CYTH1: variants seen among roughly 807,000 people sequenced by gnomAD.
CYTH1 encodes the protein cytohesin-1.
A neutral mutation model predicts 61.8 loss-of-function variants in CYTH1; 18 were observed. The ratio of observed to expected loss-of-function variants is 0.29; its 90% CI spans 0.20 to 0.43. The LOEUF (loss-of-function observed/expected upper bound fraction) is 0.43, where lower values mean the gene tolerates loss of function less well. Ranked by LOEUF, CYTH1 falls within the 20% of genes least tolerant of loss-of-function variation. The probability of loss-of-function intolerance (pLI) is 1.00; values close to 1 mark genes in which losing one functional copy is unlikely to be tolerated. For synonymous variants in CYTH1, 174 were observed against 184.3 expected (o/e 0.94, Z 0.45); for missense variants, 336 against 510.5 (o/e 0.66, Z 3.29).
intron 1 of CYTH1, among the ~76,000 whole-genome samples, chr17:78,753,491 T>C (rs2093388406): frequency 1.5e-5 from 2 of 131,694 alleles, no homozygotes; most frequent in African/African-American, 5.6e-5. Context: ...TCAGACCTTA[T>C]CTCTACTTAA....
Position 78,717,234 on chromosome 17 carries a change from G to C in CYTH1, c.23-7502C>G, listed in dbSNP as rs12951261. ...TGAGCACAATGGAGACAAACCAGAGGGGGAGCCGCCCTGACACACCACCCG... is the reference window on the plus strand; with the variant it reads ...TGAGCACAATGGAGACAAACCAGAGCGGGAGCCGCCCTGACACACCACCCG... On this transcript the variant is annotated intron_variant, in intron 1 of 13. Coordinates refer to ENST00000446868, the MANE Select transcript of CYTH1 (RefSeq NM_004762.6). The surrounding 1 kb of genome is among the most constrained non-coding windows in gnomAD (Gnocchi z 4.4). Among the ~76,000 whole-genome samples, 5 of 152,066 alleles carry C rather than the reference G, an allele frequency of 3.3e-5. No individual in the cohort carries two copies. The highest frequency in any genetic ancestry group is 7.4e-5 in the Non-Finnish European group (5 of 68,008).
In CYTH1 at chr17:78,698,397, C is replaced by A. The variant is rs2092969451; in HGVS notation, c.700-17G>T. The A allele has an allele frequency of 1.3e-6, 2 of 1,552,862 alleles. No homozygotes were observed. Among genetic ancestry groups the A allele is most frequent in the African/African-American group, 2.7e-5 (2 of 73,348 alleles). On this transcript the variant is annotated splice_polypyrimidine_tract_variant and intron_variant, in intron 8 of 13. Coordinates refer to ENST00000446868, the MANE Select transcript of CYTH1 (RefSeq NM_004762.6). ...ATAGAGATTCTGGGATAAAAGATGA[C>A]AATTTATGTCTCTGATTCTAGAAAT... is the stretch of plus-strand genomic sequence containing the variant.
At chr17:78,730,139 T>A (rs1321835691) in intron 1 of CYTH1, among the ~76,000 whole-genome samples, 3 of 152,116 alleles carry the variant, frequency 2.0e-5, no homozygotes, top group African/African-American at 4.8e-5. Flanking sequence ...TCGTATGTGG[T>A]CTCTCGTCTG....
At chr17:78,754,320 A>C (rs1435343326) in intron 1 of CYTH1, among the ~76,000 whole-genome samples, 1 of 152,110 alleles carries the variant, frequency 6.6e-6, no homozygotes, top group African/African-American at 2.4e-5. Flanking sequence ...AATTTTAAGG[A>C]AATAGAAAAT....
intron 1 of CYTH1, among the ~76,000 whole-genome samples, chr17:78,768,836 C>G (rs1474463664): frequency 6.6e-6 from 1 of 151,968 alleles, no homozygotes; most frequent in African/African-American, 2.4e-5. Context: ...TCTCCCTTCC[C>G]CCTCTTGGCA....
At chr17:78,776,938 C>G (rs1488278581) in intron 1 of CYTH1, among the ~76,000 whole-genome samples, 7 of 150,594 alleles carry the variant, frequency 4.6e-5, no homozygotes, top group Non-Finnish European at 1.0e-4. Flanking sequence ...CCAGCCTGAC[C>G]AACATGGAGA....
chr17:78,734,334 CAATT>C (rs2093309859), intron 1 of CYTH1, among the ~76,000 whole-genome samples: 1 of 147,088 alleles, frequency 6.8e-6, no homozygotes, highest in East Asian at 2.0e-4. Context: ...AAATAGTGCC[CAATT>C]AATTAAACTG....
chr17:78,711,111 A>C (rs965503493), intron 1 of CYTH1, among the ~76,000 whole-genome samples: 2 of 151,680 alleles, frequency 1.3e-5, no homozygotes. Context: ...AAATACAAAA[A>C]ATTAGCTGGG....
intron 1 of CYTH1, among the ~76,000 whole-genome samples, chr17:78,725,045 C>A (rs1171743092): frequency 6.6e-6 from 1 of 152,182 alleles, no homozygotes; most frequent in African/African-American, 2.4e-5. Flanking sequence ...CGTCCCTGGG[C>A]CCCTGTCTTC....
intron 1 of CYTH1, among the ~76,000 whole-genome samples, chr17:78,733,194 CT>C (rs1403872618): frequency 2.0e-5 from 3 of 150,268 alleles, no homozygotes; most frequent in Admixed American, 6.7e-5. Flanking sequence ...ATACTTCATT[CT>C]ATTTGGCATA....
At chr17:78,772,273 G>A (rs1452189375) in intron 1 of CYTH1, among the ~76,000 whole-genome samples, 3 of 152,046 alleles carry the variant, frequency 2.0e-5, no homozygotes, top group South Asian at 2.1e-4. Flanking sequence ...GTCTTCCACC[G>A]GTCCAGCACA....
At chr17:78,718,218 T>TACACAC (rs55803104) in intron 1 of CYTH1, among the ~76,000 whole-genome samples, 2,607 of 128,334 alleles carry the variant, frequency 0.02, 63 homozygotes, top group African/African-American at 0.058. Context: ...AAACACTGAA[T>TACACAC]ACACACACAC....
intron 11 of CYTH1, among the ~76,000 whole-genome samples, chr17:78,685,168 G>C: frequency 7.4e-6 from 1 of 135,648 alleles, no homozygotes. Context: ...CGTGCCACTG[G>C]ACTCCAGCCT....
chr17:78,708,242 GCTAT>G lies in CYTH1; in HGVS notation c.121_124del (p.Ile41GlnfsTer3). The G allele has an allele frequency of 2.5e-6, 4 of 1,613,164 alleles. No individual in the cohort carries two copies. Among genetic ancestry groups the G allele is most frequent in the Non-Finnish European group, 3.4e-6 (4 of 1,179,776 alleles). On this transcript the variant is annotated frameshift_variant, in exon 3 of 14. Transcript: ENST00000446868. LOFTEE classifies it high-confidence loss of function. ...GTTTTCAATTTCATTAGCTACTTCT[GCTAT>G]CTCATCCTTCAGCCTCTATAAAACA...
At chr17:78,742,476 C>G (rs941691247) in intron 1 of CYTH1, among the ~76,000 whole-genome samples, 1 of 151,862 alleles carries the variant, frequency 6.6e-6, no homozygotes, top group Non-Finnish European at 1.5e-5. Context: ...ACAGGAAGAT[C>G]GCTTGAATCT....
At chr17:78,711,528 A>G (rs2093132441) in intron 1 of CYTH1, among the ~76,000 whole-genome samples, 1 of 152,060 alleles carries the variant, frequency 6.6e-6, no homozygotes, top group African/African-American at 2.4e-5. Context: ...TCTGCTTGAG[A>G]GCACAGTTAG....
Position 78,700,684 on chromosome 17 carries a change from C to T in CYTH1, c.438-241G>A, listed in dbSNP as rs1037634062. ...GACTACAGGCACACGCCACCATGCC[C>T]GGCTAATTTTTTGTATTTTTAGTAG... On this transcript the variant is annotated intron_variant, in intron 6 of 13. Coordinates refer to ENST00000446868, the MANE Select transcript of CYTH1 (RefSeq NM_004762.6). The surrounding 1 kb of genome is among the most constrained non-coding windows in gnomAD (Gnocchi z 5.1). Among the ~76,000 whole-genome samples the T allele has an allele frequency of 1.3e-5, 2 of 152,014 alleles. No homozygotes were observed. Among genetic ancestry groups the T allele is most frequent in the African/African-American group, 4.8e-5 (2 of 41,374 alleles).
chr17:78,769,312 C>A, intron 1 of CYTH1, among the ~76,000 whole-genome samples: 1 of 152,080 alleles, frequency 6.6e-6, no homozygotes, highest in East Asian at 1.9e-4. Context: ...CTGCTCACAG[C>A]CTACTCTCCA....
exon 1 of CYTH1, chr17:78,782,265 TCCCGCCGCGCCACCCGCGC>T: frequency 8.2e-7 from 1 of 1,213,480 alleles, no homozygotes; most frequent in African/African-American, 1.7e-5. Context: ...GCCGCTCGCG[TCCCGCCGCGCCACCCGCGC>T]CCCCGCTCGC....
Sources: gnomAD v4.1 joint callset for allele counts (sites outside exome capture counted in the v4.1 genomes callset) on GRCh38, gnomAD v4.1.1 for gene constraint, Gnocchi (gnomAD v3.1) non-coding constraint, MANE v1.5 for transcripts, NCBI Gene and HGNC (gene_info 2026-07-23, HGNC 2026-07-21) for gene names.